Variants in ADAMTSL3 observed in about 807,000 individuals in gnomAD.
ADAMTSL3 encodes ADAMTS like 3.
ADAMTSL3 carries 128 observed loss-of-function variants against 201.7 expected under a neutral mutation model. The ratio of observed to expected loss-of-function variants is 0.63; its 90% CI spans 0.55 to 0.73. The LOEUF is 0.73. Ranked by LOEUF, ADAMTSL3 falls within the 30% of genes least tolerant of loss-of-function variation. The pLI, the probability that ADAMTSL3 is intolerant of heterozygous loss-of-function variation, is 0.00. For synonymous variants in ADAMTSL3, 738 were observed against 748.4 expected (o/e 0.99, Z 0.23); for missense variants, 1,990 against 2,119.6 (o/e 0.94, Z 1.20).
At chr15:83,713,969 T>C (rs2061965909) in intron 3 of ADAMTSL3, among the ~76,000 whole-genome samples, 2 of 152,116 alleles carry the variant, frequency 1.3e-5, no homozygotes, top group Non-Finnish European at 2.9e-5. Context: ...TTCTGGACTT[T>C]GGGGAGCTGA....
At chr15:83,791,647 AG>A (rs1393238010) in intron 4 of ADAMTSL3, among the ~76,000 whole-genome samples, 1 of 152,158 alleles carries the variant, frequency 6.6e-6, no homozygotes, top group Non-Finnish European at 1.5e-5. Context: ...TCACGAGGTC[AG>A]GAGATCGAGA....
chr15:83,809,235 T>G (rs571240818), intron 5 of ADAMTSL3, among the ~76,000 whole-genome samples: 1 of 152,298 alleles, frequency 6.6e-6, no homozygotes, highest in African/African-American at 2.4e-5. Flanking sequence ...TATTGAAACA[T>G]CACGTTGTAC....
intron 4 of ADAMTSL3, among the ~76,000 whole-genome samples, chr15:83,791,037 T>C (rs928436652): frequency 2.0e-5 from 3 of 151,878 alleles, no homozygotes; most frequent in African/African-American, 7.3e-5. Flanking sequence ...GCCAAGGAGG[T>C]GAAAGATCTC....
At chr15:83,690,565 C>T (rs1156519261) in intron 2 of ADAMTSL3, among the ~76,000 whole-genome samples, 1 of 152,182 alleles carries the variant, frequency 6.6e-6, no homozygotes, top group Non-Finnish European at 1.5e-5. Flanking sequence ...CTCTGTAATG[C>T]CATGTGTGAC....
chr15:83,742,597 CA>C (rs1422922547), intron 3 of ADAMTSL3, among the ~76,000 whole-genome samples: 92 of 152,148 alleles, frequency 6.0e-4, no homozygotes, highest in African/African-American at 2.2e-3. Context: ...TGAGGAAATA[CA>C]GGTTCACAAA....
chr15:83,820,143 G>A lies in ADAMTSL3; in HGVS notation c.600+96G>A, dbSNP rs186048943. On this transcript the variant is annotated intron_variant, in intron 6 of 29. Transcript: ENST00000286744. ...TTTCTTCTGTATTTTTGTTCATGCA[G>A]ATGTAAATATTGCTATTGGCCAGGT... 267 of 1,125,190 alleles carry A rather than the reference G, an allele frequency of 2.4e-4. No homozygotes were observed. In the East Asian group the frequency reaches 6.3e-3, roughly 26 times the overall value. 69.7% of individuals were successfully genotyped at this position (1,125,190 alleles called of 1,614,324 possible). A position where few individuals can be genotyped will look rare whatever the true frequency, so the allele number is the denominator to read the frequency against.
At chr15:83,813,854 T>C (rs149990863) in intron 5 of ADAMTSL3, among the ~76,000 whole-genome samples, 6 of 152,234 alleles carry the variant, frequency 3.9e-5, no homozygotes, top group Non-Finnish European at 5.9e-5. Flanking sequence ...TTGGAGCAAA[T>C]GGAGAATTCC....
At chr15:83,737,359 C>T (rs1020154812) in intron 3 of ADAMTSL3, among the ~76,000 whole-genome samples, 8 of 152,104 alleles carry the variant, frequency 5.3e-5, no homozygotes, top group Non-Finnish European at 8.8e-5. Context: ...CCCCAGCTGT[C>T]GAAGGAGGAA....
chr15:83,838,179 C>T lies in ADAMTSL3; in HGVS notation c.691C>T (p.Arg231Trp), dbSNP rs774772996. The change falls in exon 7 of 30, where the codon CGG (arginine) becomes TGG (tryptophan). Residue 231 changes from arginine (R) to tryptophan (W), a missense_variant. By Grantham distance (101) the Arg-to-Trp change is moderately radical. Coordinates refer to ENST00000286744, the MANE Select transcript of ADAMTSL3 (RefSeq NM_207517.3). ...AGDGSTCRLV[R>W]GQSKSHVSPE... is the part of the protein sequence containing the mutation. Reference sequence around the variant, plus strand: ...CGATGGCTCCACCTGCAGGCTTGTACGGGGACAATCAAAGTCACACGTTTC... The same window carrying T: ...CGATGGCTCCACCTGCAGGCTTGTATGGGGACAATCAAAGTCACACGTTTC... 42 of 1,612,774 alleles carry T rather than the reference C, an allele frequency of 2.6e-5. No homozygotes were observed. Among genetic ancestry groups the T allele is most frequent in the African/African-American group, 6.7e-5 (5 of 74,822 alleles).
chr15:83,988,044 C>T (rs963085333), intron 21 of ADAMTSL3, among the ~76,000 whole-genome samples: 3 of 152,074 alleles, frequency 2.0e-5, no homozygotes, highest in Non-Finnish European at 2.9e-5. Context: ...TACACCTGAC[C>T]AACTCTGATT....
At chr15:83,756,840 CCAAA>C (rs2062729172) in intron 3 of ADAMTSL3, among the ~76,000 whole-genome samples, 2 of 152,080 alleles carry the variant, frequency 1.3e-5, no homozygotes, top group South Asian at 2.1e-4. Context: ...AGGAATTGGC[CCAAA>C]CAAAGGGGCT....
chr15:83,865,293 C>T (rs2064951446), intron 8 of ADAMTSL3, among the ~76,000 whole-genome samples: 1 of 152,102 alleles, frequency 6.6e-6, no homozygotes, highest in South Asian at 2.1e-4. Flanking sequence ...CAAAAAGAGC[C>T]CACATTGCCA....
chr15:84,015,215 G>A (rs780147130), intron 24 of ADAMTSL3, among the ~76,000 whole-genome samples: 1 of 152,080 alleles, frequency 6.6e-6, no homozygotes, highest in Non-Finnish European at 1.5e-5. Flanking sequence ...AAGTGCTGGG[G>A]TTACAGGCAT....
At chr15:83,656,248 C>T (rs1339570648) in intron 2 of ADAMTSL3, among the ~76,000 whole-genome samples, 2 of 152,210 alleles carry the variant, frequency 1.3e-5, no homozygotes, top group Non-Finnish European at 2.9e-5. Context: ...TCACATATCC[C>T]ACTGTTTTAT....
intron 6 of ADAMTSL3, among the ~76,000 whole-genome samples, chr15:83,824,245 G>A (rs2063968394): frequency 6.6e-6 from 1 of 151,594 alleles, no homozygotes; most frequent in African/African-American, 2.4e-5. Context: ...TGGGGGTCTC[G>A]CTATGTTACT....
intron 2 of ADAMTSL3, among the ~76,000 whole-genome samples, chr15:83,659,748 GT>G (rs2061138030): frequency 6.6e-6 from 1 of 152,164 alleles, no homozygotes; most frequent in Non-Finnish European, 1.5e-5. Context: ...AATCACAACA[GT>G]CCTTATAAGA....
chr15:83,677,964 CTATT>C (rs756304212), intron 2 of ADAMTSL3, among the ~76,000 whole-genome samples: 81 of 150,826 alleles, frequency 5.4e-4, no homozygotes, highest in Admixed American at 2.1e-3. Context: ...CTGTCTCTCT[CTATT>C]TCTCTCCCTG....
chr15:83,846,501 C>T (rs1469318859), intron 7 of ADAMTSL3, among the ~76,000 whole-genome samples: 2 of 152,214 alleles, frequency 1.3e-5, no homozygotes, highest in Non-Finnish European at 2.9e-5. Context: ...ACAAAGATAG[C>T]ACAGAAATGG....
intron 7 of ADAMTSL3, among the ~76,000 whole-genome samples, chr15:83,856,557 C>A (rs987758360): frequency 6.6e-6 from 1 of 151,956 alleles, no homozygotes; most frequent in Non-Finnish European, 1.5e-5. Flanking sequence ...CCATGATTTC[C>A]AGTAGGTAAT....
Sources: allele counts gnomAD v4.1 joint callset (sites outside exome capture counted in the v4.1 genomes callset), GRCh38; gene constraint gnomAD v4.1.1; transcripts MANE v1.5; gene names NCBI Gene and HGNC (gene_info 2026-07-23, HGNC 2026-07-21).